The following PTPN14 variants were observed in gnomAD, a reference collection of about 807,000 sequenced individuals.
The protein encoded by PTPN14 is protein tyrosine phosphatase non-receptor type 14, also known as tyrosine-protein phosphatase non-receptor type 14.
PTPN14 carries 53 observed loss-of-function variants against 126.8 expected under a neutral mutation model. The observed-to-expected ratio is 0.42, with a 90% CI of 0.34 to 0.53. PTPN14 has a LOEUF of 0.53. Among genes scored for constraint, PTPN14 ranks in the 20% least tolerant of loss-of-function variants. The pLI, the probability that PTPN14 is intolerant of heterozygous loss-of-function variation, is 0.08. For missense variants in PTPN14, 1,257 were observed against 1,552.9 expected (o/e 0.81, Z 3.20); for synonymous variants, 630 against 599.3 (o/e 1.05, Z -0.75).
chr1:214,461,182 A>G (rs1231071317), intron 2 of PTPN14, among the ~76,000 whole-genome samples: 1 of 152,180 alleles, frequency 6.6e-6, no homozygotes, highest in Non-Finnish European at 1.5e-5. Flanking sequence ...TAGTGGCAAA[A>G]CAATTAATGT....
intron 3 of PTPN14, among the ~76,000 whole-genome samples, chr1:214,422,995 A>C (rs1341862274): frequency 1.3e-5 from 2 of 152,204 alleles, no homozygotes; most frequent in Non-Finnish European, 2.9e-5. Flanking sequence ...ACAAAAATGG[A>C]AAGAATAGAA....
chr1:214,430,868 T>C (rs180897213), intron 3 of PTPN14, among the ~76,000 whole-genome samples: 2 of 152,218 alleles, frequency 1.3e-5, no homozygotes, highest in African/African-American at 2.4e-5. Flanking sequence ...TATGTGACCA[T>C]CTAATCTACC....
chr1:214,547,966 A>T (rs1170019375), intron 1 of PTPN14, among the ~76,000 whole-genome samples: 2 of 152,208 alleles, frequency 1.3e-5, no homozygotes, highest in African/African-American at 4.8e-5. Flanking sequence ...ACACATGTGA[A>T]TTCAGGCTGC....
Position 214,457,740 on chromosome 1 carries a change from C to T in PTPN14, c.175-5766G>A, listed in dbSNP as rs367987979. ...CTTTTAATAAATATTATTTAAAACA[C>T]GTTCAAAATATCATTGCAACCTGTA... On this transcript the variant is annotated intron_variant, in intron 2 of 18. Coordinates refer to ENST00000366956, the MANE Select transcript of PTPN14 (RefSeq NM_005401.5). 9.5e-4 allele frequency among the ~76,000 whole-genome samples: 144 copies of T among 152,244 alleles called. 3 individuals are homozygous for T. The South Asian group carries it at 0.027, about 28-fold the overall frequency.
chr1:214,539,814 G>C (rs1455468550), intron 1 of PTPN14, among the ~76,000 whole-genome samples: 1 of 152,192 alleles, frequency 6.6e-6, no homozygotes, highest in East Asian at 1.9e-4. Flanking sequence ...AAGGATGAAG[G>C]GGCACAAAGT....
At chr1:214,534,083 G>A (rs1282767009) in intron 1 of PTPN14, among the ~76,000 whole-genome samples, 1 of 152,022 alleles carries the variant, frequency 6.6e-6, no homozygotes, top group Non-Finnish European at 1.5e-5. Context: ...AAATTAAATG[G>A]TAAGCAATTA....
At position 214,372,715 on chromosome 1, in the gene PTPN14, T is replaced by G; in HGVS notation, c.3032A>C (p.Glu1011Ala). 1.2e-6 allele frequency: 2 copies of G among 1,614,156 alleles called. No homozygotes were observed. The highest frequency in any genetic ancestry group is 8.5e-7 in the Non-Finnish European group (1 of 1,180,016). ...GVNVIAMVTA[E>A]EEGGRTKSHR... Reference sequence around the variant, plus strand: ...GGAGTAGGCCATTCCCCTTACCTCCTCTGCAGTGACCATGGCAATCACATT... The same window carrying G: ...GGAGTAGGCCATTCCCCTTACCTCCGCTGCAGTGACCATGGCAATCACATT... The change falls in exon 16 of 19, where the codon GAG becomes GCG. Residue 1011 changes from glutamate to alanine, a missense_variant. Transcript: ENST00000366956.
chr1:214,459,477 T>C (rs1660460434), intron 2 of PTPN14, among the ~76,000 whole-genome samples: 3 of 147,268 alleles, frequency 2.0e-5, no homozygotes, highest in Non-Finnish European at 3.0e-5. Context: ...TCTTTCTTTT[T>C]TTTTTTTTTT....
chr1:214,400,424 C>A (rs1040192002), intron 7 of PTPN14, among the ~76,000 whole-genome samples: 8 of 152,220 alleles, frequency 5.3e-5, no homozygotes, highest in South Asian at 2.1e-4. Context: ...TATCTTCCAA[C>A]TCAGAGGAAG....
chr1:214,517,225 C>T (rs1440237901), intron 1 of PTPN14, among the ~76,000 whole-genome samples: 1 of 152,190 alleles, frequency 6.6e-6, no homozygotes, highest in Non-Finnish European at 1.5e-5. Context: ...TCTGTGAAGG[C>T]ATGGTCAGTG....
chr1:214,394,166 A>G (rs1658822791), intron 9 of PTPN14, among the ~76,000 whole-genome samples: 1 of 152,244 alleles, frequency 6.6e-6, no homozygotes, highest in Non-Finnish European at 1.5e-5. Context: ...GAGGCACTCA[A>G]CAGGAGGTCA....
At chr1:214,459,232 A>C (rs1189309448) in intron 2 of PTPN14, among the ~76,000 whole-genome samples, 1 of 148,480 alleles carries the variant, frequency 6.7e-6, no homozygotes, top group East Asian at 2.0e-4. Flanking sequence ...GCCTCACTGC[A>C]ACCTCCACCT....
chr1:214,426,955 TA>T lies in PTPN14; in HGVS notation c.345-12230del, dbSNP rs1167512730. Among the ~76,000 whole-genome samples, 5 of 151,814 alleles carry T rather than the reference TA, an allele frequency of 3.3e-5. No individual in the cohort carries two copies. The East Asian group carries it at 9.7e-4, about 29-fold the overall frequency. ...TCTCTCTTTAAAAACAAAAATAAAA[TA>T]AAAAAATCTCAGCAGGCTTCTCCTA... On this transcript the variant is annotated intron_variant, in intron 3 of 18. Transcript: ENST00000366956.
intron 5 of PTPN14, among the ~76,000 whole-genome samples, chr1:214,406,748 C>T (rs918791588): frequency 5.3e-5 from 8 of 152,040 alleles, no homozygotes; most frequent in African/African-American, 1.4e-4. Flanking sequence ...GTATGATGCA[C>T]GAAATAACTC....
intron 6 of PTPN14, among the ~76,000 whole-genome samples, chr1:214,402,616 C>T (rs1430058976): frequency 9.5e-6 from 1 of 105,482 alleles, no homozygotes; most frequent in Non-Finnish European, 1.8e-5. Flanking sequence ...CTGTCTCAGG[C>T]TTCCCAGATT....
chr1:214,433,531 T>C (rs1354804266), intron 3 of PTPN14, among the ~76,000 whole-genome samples: 1 of 152,016 alleles, frequency 6.6e-6, no homozygotes, highest in Non-Finnish European at 1.5e-5. Context: ...CCTACAAGGA[T>C]TGATTGAGCC....
rs1391456535 is a variant in PTPN14, at chr1:214,349,643, G to A, written c.*8279C>T. 1.3e-5 allele frequency: 2 copies of A among 152,004 alleles called. No individual in the cohort carries two copies. Among genetic ancestry groups the A allele is most frequent in the African/African-American group, 4.8e-5 (2 of 41,388 alleles). 9.4% of individuals were successfully genotyped at this position (152,004 alleles called of 1,614,324 possible). A position where few individuals can be genotyped will look rare whatever the true frequency, so the allele number is the denominator to read the frequency against. Reference sequence around the variant, plus strand: ...GCATATTTAAACCTTTTTTTCCACTGAAGTATCCTCAAGCACATTAATTAG... The same window carrying A: ...GCATATTTAAACCTTTTTTTCCACTAAAGTATCCTCAAGCACATTAATTAG... On this transcript the variant is annotated 3_prime_UTR_variant, in exon 19 of 19. Coordinates refer to ENST00000366956, the MANE Select transcript of PTPN14 (RefSeq NM_005401.5).
chr1:214,393,080 G>A (rs911811544), intron 10 of PTPN14, among the ~76,000 whole-genome samples: 14 of 152,200 alleles, frequency 9.2e-5, no homozygotes, highest in African/African-American at 3.4e-4. Flanking sequence ...CGCTCCATCT[G>A]AGGTCAGGCC....
rs1425896552 is a variant in PTPN14 at position 214,352,470 on chromosome 1, C to T, written c.*5452G>A. 2.0e-5 allele frequency: 3 copies of T among 152,308 alleles called. No homozygotes were observed. The highest frequency in any genetic ancestry group is 4.1e-4 in the South Asian group (2 of 4,828). 9.4% of individuals were successfully genotyped at this position (152,308 alleles called of 1,614,324 possible). A position where few individuals can be genotyped will look rare whatever the true frequency, so the allele number is the denominator to read the frequency against. The stretch of plus-strand genomic sequence containing the variant: ...CCCCTGAATAACACTGACTTCTGGA[C>T]AACACATTTGAGGTGGCAGAATTTG... On this transcript the variant is annotated 3_prime_UTR_variant, in exon 19 of 19. Transcript: ENST00000366956.
Sources: allele counts gnomAD v4.1 joint callset (sites outside exome capture counted in the v4.1 genomes callset), GRCh38; gene constraint gnomAD v4.1.1; transcripts MANE v1.5; gene names NCBI Gene and HGNC (gene_info 2026-07-23, HGNC 2026-07-21).